KAZN: variants seen among roughly 807,000 people sequenced by gnomAD.
KAZN encodes the protein kazrin.
Under a neutral mutation model 87.4 loss-of-function variants are expected in KAZN, and 40 were observed. The observed-to-expected ratio is 0.46, with a 90% CI of 0.36 to 0.60. The LOEUF is 0.60. Among genes scored for constraint, KAZN ranks in the 20% least tolerant of loss-of-function variants. KAZN has a pLI of 0.00. For synonymous variants in KAZN, 466 were observed against 458.3 expected (o/e 1.02, Z -0.22); for missense variants, 898 against 1,073.9 (o/e 0.84, Z 2.29).
At chr1:14,557,638 GTGT>G (rs1673978804) in intron 2 of KAZN, among the ~76,000 whole-genome samples, 17 of 135,328 alleles carry the variant, frequency 1.3e-4, no homozygotes, top group African/African-American at 4.9e-4. Context: ...GGGTGTGTGT[GTGT>G]GTGTGTGTGT....
rs912176043 is a variant in KAZN, at chr1:14,599,750, G to T, written c.226+527G>T. On this transcript the variant is annotated intron_variant, in intron 1 of 14. Coordinates refer to ENST00000376030, the MANE Select transcript of KAZN (RefSeq NM_201628.3). This position sits in a 1 kb window ranked among gnomAD's most constrained non-coding sequence, Gnocchi z 4.4. ...TGGACTTTATTTTCTTCTCATTTGA[G>T]GTCTCTCAGGCATTGGAATCTATAG... Among the ~76,000 whole-genome samples, 1 of 152,136 alleles carries T rather than the reference G, an allele frequency of 6.6e-6. No homozygotes were observed. The highest frequency in any genetic ancestry group is 1.5e-5 in the Non-Finnish European group (1 of 68,040).
At chr1:14,148,652 C>A (rs1307040337) in intron 1 of KAZN, among the ~76,000 whole-genome samples, 2 of 152,110 alleles carry the variant, frequency 1.3e-5, no homozygotes, top group African/African-American at 4.8e-5. Context: ...TTGAGACTTT[C>A]CTTCAATGCC....
rs147385114 is a variant in KAZN, at chr1:13,921,085, C to T, written c.91+27329C>T. ...GGACCTCTATGAGGTCCTTGTTGTC[C>T]AAGGATGACTGATATTGAAAAAGAT... On this transcript the variant is annotated intron_variant, in intron 1 of 16. Coordinates refer to the KAZN transcript ENST00000636203. Among the ~76,000 whole-genome samples the T allele has an allele frequency of 3.0e-3, 452 of 152,168 alleles. 1 individual carries two copies. The highest frequency in any genetic ancestry group is 4.9e-3 in the Non-Finnish European group (336 of 68,000).
At chr1:14,816,842 TAGAC>T (rs1053581374) in intron 1 of KAZN, among the ~76,000 whole-genome samples, 7 of 152,182 alleles carry the variant, frequency 4.6e-5, no homozygotes, top group Admixed American at 2.0e-4. Flanking sequence ...AGATGATTGA[TAGAC>T]AGATAGATGG....
chr1:14,585,536 A>G (rs1675803893), intron 2 of KAZN, among the ~76,000 whole-genome samples: 1 of 152,162 alleles, frequency 6.6e-6, no homozygotes, highest in African/African-American at 2.4e-5. Context: ...GGCCAAGCCA[A>G]AGAGTGTGAA....
intron 1 of KAZN, among the ~76,000 whole-genome samples, chr1:14,887,690 T>A (rs1340294583): frequency 6.7e-6 from 1 of 149,824 alleles, no homozygotes; most frequent in Non-Finnish European, 1.5e-5. Flanking sequence ...TTTGCGGTCG[T>A]GCTCCCAGGG....
chr1:14,704,231 C>T (rs908948019), intron 1 of KAZN, among the ~76,000 whole-genome samples: 4 of 152,152 alleles, frequency 2.6e-5, no homozygotes, highest in African/African-American at 9.7e-5. Context: ...GAAGTGTCTC[C>T]CATTCAAGGG....
intron 2 of KAZN, among the ~76,000 whole-genome samples, chr1:14,372,188 A>C: frequency 6.6e-6 from 1 of 152,246 alleles, no homozygotes. Flanking sequence ...CTGTGTATTT[A>C]AGTGGGTCAA....
intron 1 of KAZN, among the ~76,000 whole-genome samples, chr1:14,103,289 C>T (rs1483379236): frequency 6.6e-6 from 1 of 152,156 alleles, no homozygotes; most frequent in African/African-American, 2.4e-5. Flanking sequence ...ATACATCTAT[C>T]TCTTCTTGAA....
intron 1 of KAZN, among the ~76,000 whole-genome samples, chr1:14,125,715 G>A (rs1464084687): frequency 2.0e-5 from 3 of 152,142 alleles, no homozygotes; most frequent in Non-Finnish European, 4.4e-5. Context: ...CCAGTTTGGA[G>A]TGACTTCTTA....
chr1:15,037,568 G>A (rs1310395386), intron 3 of KAZN, among the ~76,000 whole-genome samples: 1 of 151,910 alleles, frequency 6.6e-6, no homozygotes, highest in Non-Finnish European at 1.5e-5. Flanking sequence ...GGGGGGTAGG[G>A]GCATATGCCT....
chr1:14,232,545 A>G (rs1367967907), intron 2 of KAZN, among the ~76,000 whole-genome samples: 1 of 151,944 alleles, frequency 6.6e-6, no homozygotes, highest in Non-Finnish European at 1.5e-5. Context: ...CTATATTCTC[A>G]CTTTGCCTTC....
At chr1:14,628,173 T>C (rs1679287305) in intron 1 of KAZN, among the ~76,000 whole-genome samples, 1 of 152,242 alleles carries the variant, frequency 6.6e-6, no homozygotes, top group Non-Finnish European at 1.5e-5. Flanking sequence ...CCTGGGGCAG[T>C]GGATCCGGGT....
chr1:14,689,124 G>C (rs567993638), intron 1 of KAZN, among the ~76,000 whole-genome samples: 1 of 152,286 alleles, frequency 6.6e-6, no homozygotes, highest in South Asian at 2.1e-4. Context: ...GAACCTGAGA[G>C]GCTGAGTTTG....
intron 2 of KAZN, among the ~76,000 whole-genome samples, chr1:14,367,221 T>C (rs2101001929): frequency 6.6e-6 from 1 of 152,098 alleles, no homozygotes; most frequent in African/African-American, 2.4e-5. Flanking sequence ...AGAGCAAGAC[T>C]CTTGTCTCCA....
At chr1:13,942,096 G>A (rs1289342625) in intron 1 of KAZN, among the ~76,000 whole-genome samples, 1 of 152,114 alleles carries the variant, frequency 6.6e-6, no homozygotes, top group African/African-American at 2.4e-5. Flanking sequence ...GCCCTGAAAT[G>A]GCTCTATTTT....
chr1:15,003,805 G>A (rs928450976), intron 2 of KAZN, among the ~76,000 whole-genome samples: 5 of 152,058 alleles, frequency 3.3e-5, no homozygotes, highest in South Asian at 2.1e-4. Context: ...CAGGTGTGCC[G>A]TAAAATGTCC....
chr1:14,801,265 G>C (rs1183662404), intron 1 of KAZN, among the ~76,000 whole-genome samples: 4 of 152,102 alleles, frequency 2.6e-5, no homozygotes, highest in African/African-American at 7.2e-5. Context: ...GCTCCTCGGG[G>C]AAATGTGCGT....
chr1:14,355,591 C>G (rs1658953450), intron 2 of KAZN, among the ~76,000 whole-genome samples: 1 of 152,098 alleles, frequency 6.6e-6, no homozygotes, highest in South Asian at 2.1e-4. Flanking sequence ...ATCTCCCAAC[C>G]CCCAACAGGC....
Sources: allele counts gnomAD v4.1 joint callset (sites outside exome capture counted in the v4.1 genomes callset), GRCh38; gene constraint gnomAD v4.1.1; non-coding constraint Gnocchi (gnomAD v3.1); transcripts MANE v1.5; gene names NCBI Gene and HGNC (gene_info 2026-07-23, HGNC 2026-07-21).